The following MORN1 variants were observed in gnomAD, a reference collection of about 807,000 sequenced individuals.
MORN1 encodes the protein MORN repeat containing 1, also known as MORN repeat-containing protein 1.
A neutral mutation model predicts 61.9 loss-of-function variants in MORN1; 67 were observed. The observed-to-expected ratio is 1.08, with a 90% CI of 0.89 to 1.33. The LOEUF (loss-of-function observed/expected upper bound fraction) is 1.33. Among genes scored for constraint, MORN1 ranks in the 40% most tolerant of loss-of-function variants. The probability of loss-of-function intolerance (pLI) is 0.00; values close to 1 mark genes in which losing one functional copy is unlikely to be tolerated. For missense variants in MORN1, 752 were observed against 691.2 expected, an observed-to-expected ratio of 1.09 and a Z score of -0.99; for synonymous variants, 301 against 292.0, an observed-to-expected ratio of 1.03 and a Z score of -0.31.
intron 12 of MORN1, among the ~76,000 whole-genome samples, chr1:2,325,181 CCCTTCCTTCA>C (rs1640994397): frequency 1.9e-5 from 2 of 105,096 alleles, no homozygotes; most frequent in Non-Finnish European, 2.0e-5. Context: ...TTCCTTCCTT[CCCTTCCTTCA>C]CTTCCTTCTT....
At chr1:2,380,213 G>C (rs1021170779) in intron 6 of MORN1, among the ~76,000 whole-genome samples, 1 of 152,240 alleles carries the variant, frequency 6.6e-6, no homozygotes, top group African/African-American at 2.4e-5. Flanking sequence ...GTGGCTGCCA[G>C]GGGTTGGAGC....
Position 2,391,494 on chromosome 1 carries a change from G to A in MORN1, c.40C>T (p.Pro14Ser), listed in dbSNP as rs746603304. The A allele has an allele frequency of 4.8e-6, 6 of 1,251,328 alleles. No homozygotes were observed. In the South Asian group the frequency reaches 1.4e-4, roughly 28 times the overall value. 77.5% of individuals were successfully genotyped at this position (1,251,328 alleles called of 1,614,324 possible). ...GGCCGCCTAGGCGGGTCCCGACGCG[G>A]CCCGCGGGAGCTCGGGGTGCCCTCG... ...AGEGTPSSRGPRRDPPRRPPR... is the reference protein window; with the variant it reads ...AGEGTPSSRGSRRDPPRRPPR... Residue 14 changes from proline to serine, a missense_variant, in exon 1 of 14, where the codon CCG becomes TCG. Pro to Ser is a moderately conservative substitution (Grantham distance 74). Coordinates refer to ENST00000378531, the MANE Select transcript of MORN1 (RefSeq NM_024848.3).
intron 8 of MORN1, among the ~76,000 whole-genome samples, chr1:2,369,073 G>A (rs574793441): frequency 6.7e-6 from 1 of 149,004 alleles, no homozygotes; most frequent in South Asian, 2.1e-4. Context: ...AAAAAAAGGC[G>A]GGGGGCAGTG....
At chr1:2,375,407 G>C (rs983243715) in intron 6 of MORN1, 3 of 152,382 alleles carry the variant, frequency 2.0e-5, no homozygotes, top group Non-Finnish European at 4.4e-5. Context: ...GGATGTGTGG[G>C]AAGAGACAGC....
chr1:2,349,719 G>A (rs1304483482), intron 10 of MORN1, among the ~76,000 whole-genome samples: 1 of 152,036 alleles, frequency 6.6e-6, no homozygotes, highest in Non-Finnish European at 1.5e-5. Context: ...ACACTTTTAC[G>A]GGCAAGATTG....
At chr1:2,375,863 AGCTGAGC>A (rs1642221773) in intron 6 of MORN1, 1 of 152,470 alleles carries the variant, frequency 6.6e-6, no homozygotes, top group Non-Finnish European at 1.5e-5. Flanking sequence ...CAGTGTTCCA[AGCTGAGC>A]GCACCACTGA....
intron 12 of MORN1, among the ~76,000 whole-genome samples, chr1:2,331,647 A>C (rs1331000036): frequency 6.6e-6 from 1 of 152,154 alleles, no homozygotes; most frequent in African/African-American, 2.4e-5. Context: ...CCCTTGGGGC[A>C]CAGCTTGTGA....
intron 8 of MORN1, among the ~76,000 whole-genome samples, chr1:2,362,836 C>G (rs1641918356): frequency 6.6e-6 from 1 of 152,008 alleles, no homozygotes; most frequent in African/African-American, 2.4e-5. Context: ...TGCACTCCAG[C>G]CTGGGTGACA....
At chr1:2,339,064 G>A (rs1393031430) in intron 10 of MORN1, among the ~76,000 whole-genome samples, 4 of 152,194 alleles carry the variant, frequency 2.6e-5, no homozygotes, top group African/African-American at 9.7e-5. Flanking sequence ...GCAGGCAGAA[G>A]CTCTCCTCTG....
intron 8 of MORN1, among the ~76,000 whole-genome samples, chr1:2,368,474 G>C (rs984503607): frequency 6.6e-6 from 1 of 152,198 alleles, no homozygotes; most frequent in East Asian, 1.9e-4. Context: ...GGAAAGGGGT[G>C]GTAACTCCCA....
intron 13 of MORN1, chr1:2,323,232 A>G (rs1640923476): frequency 1.0e-6 from 1 of 985,166 alleles, no homozygotes; most frequent in Non-Finnish European, 1.2e-6. Context: ...CCAAGGCCTC[A>G]CTGGCTACAG....
intron 1 of MORN1, among the ~76,000 whole-genome samples, chr1:2,390,936 G>T (rs887062800): frequency 6.6e-6 from 1 of 152,128 alleles, no homozygotes; most frequent in Non-Finnish European, 1.5e-5. Context: ...AGTAGAGACC[G>T]GGTTTCGCCA....
intron 8 of MORN1, among the ~76,000 whole-genome samples, chr1:2,361,566 C>A (rs951729040): frequency 6.6e-6 from 1 of 151,660 alleles, no homozygotes; most frequent in Non-Finnish European, 1.5e-5. Context: ...AAAAAATTAA[C>A]AAATAAATAA....
chr1:2,340,983 C>T (rs1039902027), intron 10 of MORN1, among the ~76,000 whole-genome samples: 8 of 152,262 alleles, frequency 5.3e-5, no homozygotes, highest in Non-Finnish European at 7.3e-5. Flanking sequence ...GACCACGACG[C>T]GGGCTGTCCT....
At chr1:2,325,983 C>T (rs1359957887) in intron 12 of MORN1, among the ~76,000 whole-genome samples, 1 of 152,102 alleles carries the variant, frequency 6.6e-6, no homozygotes, top group Non-Finnish European at 1.5e-5. Flanking sequence ...TCCGGAATTA[C>T]CCATCAAATG....
At chr1:2,333,065 T>C (rs1641193873) in intron 12 of MORN1, among the ~76,000 whole-genome samples, 1 of 152,212 alleles carries the variant, frequency 6.6e-6, no homozygotes, top group Non-Finnish European at 1.5e-5. Flanking sequence ...CCCAGGAAGC[T>C]GGCATCGTTG....
chr1:2,329,232 C>T (rs367582768), intron 12 of MORN1, among the ~76,000 whole-genome samples: 4 of 151,068 alleles, frequency 2.6e-5, no homozygotes, highest in East Asian at 3.9e-4. Context: ...CCCCGCTGAG[C>T]GCTGGGCACG....
At position 2,386,023 on chromosome 1, in the gene MORN1, G is replaced by C. The variant is rs952664059; in HGVS notation, c.359-126C>G. 35 of 750,074 alleles carry C rather than the reference G, an allele frequency of 4.7e-5. No homozygotes were observed. The African/African-American group carries it at 5.9e-4, about 13-fold the overall frequency. The allele number at this position is 750,074 out of a possible 1,614,324, so 46.5% of individuals were successfully genotyped here. On this transcript the variant is annotated intron_variant, in intron 4 of 13. Coordinates refer to ENST00000378531, the MANE Select transcript of MORN1 (RefSeq NM_024848.3). Reference sequence around the variant, plus strand: ...GCAAGTCTAGGAGGCATGGGGCTCAGGGCCCCCCAGGAACATGACAGACCC... The same window carrying C: ...GCAAGTCTAGGAGGCATGGGGCTCACGGCCCCCCAGGAACATGACAGACCC...
chr1:2,336,092 T>C (rs1311929965), intron 12 of MORN1, among the ~76,000 whole-genome samples: 1 of 151,766 alleles, frequency 6.6e-6, no homozygotes, highest in Non-Finnish European at 1.5e-5. Context: ...GCTCACAGAG[T>C]CCCCTCAAGC....
Sources: gnomAD v4.1 joint callset for allele counts (sites outside exome capture counted in the v4.1 genomes callset) on GRCh38, gnomAD v4.1.1 for gene constraint, MANE v1.5 for transcripts, NCBI Gene and HGNC (gene_info 2026-07-23, HGNC 2026-07-21) for gene names.